Variants in ADSL observed in about 807,000 individuals in gnomAD.
ADSL encodes adenylosuccinase.
A neutral mutation model predicts 62.1 loss-of-function variants in ADSL; 44 were observed. The ratio of observed to expected loss-of-function variants is 0.71; its 90% CI spans 0.56 to 0.91. The LOEUF (loss-of-function observed/expected upper bound fraction) is 0.91, where lower values mean the gene tolerates loss of function less well. Ranked by LOEUF, ADSL falls within the 40% of genes least tolerant of loss-of-function variation. The pLI, the probability that ADSL is intolerant of heterozygous loss-of-function variation, is 0.00. For missense variants in ADSL, 531 were observed against 627.4 expected, an observed-to-expected ratio of 0.85 and a Z score of 1.64; for synonymous variants, 198 against 220.5, an observed-to-expected ratio of 0.90 and a Z score of 0.90.
At chr22:40,383,108 G>A (rs2047834013) in intron 2 of ADSL, among the ~76,000 whole-genome samples, 1 of 152,200 alleles carries the variant, frequency 6.6e-6, no homozygotes, top group Non-Finnish European at 1.5e-5. Context: ...GTGCTAATGA[G>A]GATTCAGCCC....
intron 4 of ADSL, among the ~76,000 whole-genome samples, chr22:40,354,824 G>A (rs953790200): frequency 8.7e-5 from 13 of 148,692 alleles, no homozygotes; most frequent in East Asian, 4.0e-4. Context: ...AGCCAAGATC[G>A]CACCACTGCA....
At position 40,346,727 on chromosome 22, in the gene ADSL, C is replaced by T; in HGVS notation, c.153+16C>T. 6.3e-7 allele frequency: 1 copy of T among 1,593,740 alleles called. No homozygotes were observed. The highest frequency in any genetic ancestry group is 8.5e-7 in the Non-Finnish European group (1 of 1,173,890). Reference sequence around the variant, plus strand: ...GGCCGAGCAGGTAACGGATCCCGGGCTGAGGGGCTGGGCCGGGAGGGACGG... The same window carrying T: ...GGCCGAGCAGGTAACGGATCCCGGGTTGAGGGGCTGGGCCGGGAGGGACGG... On this transcript the variant is annotated intron_variant, in intron 1 of 12. Transcript: ENST00000623063.
intron 2 of ADSL, among the ~76,000 whole-genome samples, chr22:40,383,733 T>A (rs1428434869): frequency 6.6e-6 from 1 of 152,166 alleles, no homozygotes; most frequent in Non-Finnish European, 1.5e-5. Context: ...GATTGGGGTC[T>A]ATGGAATCAG....
chr22:40,348,085 G>A (rs1195169684), intron 1 of ADSL, among the ~76,000 whole-genome samples: 3 of 152,172 alleles, frequency 2.0e-5, no homozygotes, highest in Non-Finnish European at 2.9e-5. Flanking sequence ...TTATCTGTTA[G>A]GGTGTCAAAA....
At chr22:40,387,140 T>C in intron 2 of ADSL, 1 of 398,358 alleles carries the variant, frequency 2.5e-6, no homozygotes, top group Non-Finnish European at 4.4e-6. Context: ...TGCTGAGGTG[T>C]AAAATGGGGA....
chr22:40,348,739 T>C (rs1327369831), intron 1 of ADSL: 1 of 396,636 alleles, frequency 2.5e-6, no homozygotes, highest in Admixed American at 4.4e-5. Flanking sequence ...CATATCTGGC[T>C]AGTAGCTCCT....
intron 2 of ADSL, among the ~76,000 whole-genome samples, chr22:40,385,933 C>T (rs1006824128): frequency 2.0e-5 from 3 of 151,888 alleles, no homozygotes; most frequent in Non-Finnish European, 4.4e-5. Flanking sequence ...CCCACTGCAG[C>T]GTCGACCTCC....
intron 10 of ADSL, 143 bp from the exon 11 acceptor site, chr22:40,364,133 A>T: frequency 1.4e-6 from 1 of 718,238 alleles, no homozygotes; most frequent in African/African-American, 1.8e-5. Context: ...CTGAAAAAAC[A>T]TCATATAGAA....
chr22:40,362,101 C>T (rs2044813667), intron 9 of ADSL, among the ~76,000 whole-genome samples: 1 of 152,156 alleles, frequency 6.6e-6, no homozygotes, highest in South Asian at 2.1e-4. Context: ...AGATAGATGT[C>T]AGTTGTGGTG....
At chr22:40,378,548 G>A (rs934648965) in intron 2 of ADSL, among the ~76,000 whole-genome samples, 4 of 151,714 alleles carry the variant, frequency 2.6e-5, no homozygotes, top group Admixed American at 2.0e-4. Flanking sequence ...GGCCTACATG[G>A]CGAAACCCCA....
chr22:40,358,129 A>G (rs1265741575), intron 4 of ADSL, among the ~76,000 whole-genome samples: 2 of 152,186 alleles, frequency 1.3e-5, no homozygotes, highest in Admixed American at 6.5e-5. Flanking sequence ...AGCAAGTGCC[A>G]CTGGACAAGG....
At chr22:40,359,090 C>T in intron 5 of ADSL, 55 bp downstream of exon 5, 2 of 1,604,908 alleles carry the variant, frequency 1.2e-6, no homozygotes. Flanking sequence ...GCCTAAGAGA[C>T]AAGGCTGCCT....
chr22:40,374,471 G>A (rs956766527), intron 2 of ADSL, among the ~76,000 whole-genome samples: 2 of 152,228 alleles, frequency 1.3e-5, no homozygotes, highest in Admixed American at 6.5e-5. Context: ...TGGTAACTGA[G>A]CTACAATTTC....
intron 4 of ADSL, among the ~76,000 whole-genome samples, chr22:40,355,130 C>T (rs2044503433): frequency 6.6e-6 from 1 of 152,000 alleles, no homozygotes; most frequent in South Asian, 2.1e-4. Context: ...TTTCTTTCTA[C>T]TTTTTGAGTT....
intron 2 of ADSL, among the ~76,000 whole-genome samples, chr22:40,382,623 C>G (rs2047749981): frequency 6.6e-6 from 1 of 152,164 alleles, no homozygotes; most frequent in African/African-American, 2.4e-5. Context: ...ACCATATTCT[C>G]TTGGTTAAGG....
chr22:40,361,555 C>T lies in ADSL; in HGVS notation c.930C>T (p.His310=). 3 of 1,614,232 alleles carry T rather than the reference C, an allele frequency of 1.9e-6. No individual in the cohort carries two copies. The highest frequency in any genetic ancestry group is 2.5e-6 in the Non-Finnish European group (3 of 1,180,050). The change falls in exon 9 of 13, where the codon CAC becomes CAT. Residue 310 remains histidine, a synonymous_variant. Transcript: ENST00000623063. ...RSERCCSLAR[H]LMTLVMDPLQ... The stretch of plus-strand genomic sequence containing the variant: ...AACGTTGCTGCAGTCTTGCCCGCCA[C>T]CTGATGACCCTTGTCATGGACCCGC...
At position 40,361,587 on chromosome 22, in the gene ADSL, C is replaced by T. The variant is rs1243449413; in HGVS notation, c.962C>T (p.Thr321Ile). 5.6e-6 allele frequency: 9 copies of T among 1,614,188 alleles called. No individual in the cohort carries two copies. Among genetic ancestry groups the T allele is most frequent in the Admixed American group, 3.3e-5 (2 of 60,026 alleles). ...ACCCTTGTCATGGACCCGCTACAGA[C>T]AGCATCTGTCCAGTGGTTTGAACGC... ...LMTLVMDPLQ[T>I]ASVQWFERTL... The change falls in exon 9 of 13, where the codon ACA becomes ATA. Residue 321 changes from threonine to isoleucine, a missense_variant. Around this residue, in one of 2 missense-constraint regions of ADSL, gnomAD observed 471 missense variants for 592.9 expected, o/e 0.79. Transcript: ENST00000623063.
chr22:40,354,296 A>T lies in ADSL; in HGVS notation c.451A>T (p.Ser151Cys). ...TGCCGACTTTGCTAAGGAACGAGCC[A>T]GTCTACCCACATTAGGTTTCACACA... Reference protein sequence around the residue: ...RLADFAKERASLPTLGFTHFQ... With the variant: ...RLADFAKERACLPTLGFTHFQ... The change falls in exon 4 of 13, where the codon AGT (serine) becomes TGT (cysteine). Residue 151 changes from serine (S) to cysteine (C), a missense_variant. Coordinates refer to ENST00000623063, the MANE Select transcript of ADSL (RefSeq NM_000026.4). 1 of 1,614,246 alleles carries T rather than the reference A, an allele frequency of 6.2e-7. No individual in the cohort carries two copies. Among genetic ancestry groups the T allele is most frequent in the Non-Finnish European group, 8.5e-7 (1 of 1,180,038 alleles).
intron 8 of ADSL, 60 bp downstream of exon 8, chr22:40,361,402 C>T: frequency 6.2e-7 from 1 of 1,611,786 alleles, no homozygotes; most frequent in South Asian, 1.1e-5. Context: ...TGGATGGGGG[C>T]TGAGAGCTCA....
Sources: gnomAD v4.1 joint callset for allele counts (sites outside exome capture counted in the v4.1 genomes callset) on GRCh38, gnomAD v4.1.1 for gene constraint, gnomAD v4.1.1 regional missense constraint, MANE v1.5 for transcripts, NCBI Gene and HGNC (gene_info 2026-07-23, HGNC 2026-07-21) for gene names.